Variants in DENND3 observed in about 807,000 individuals in gnomAD.
DENND3 encodes the protein DENN domain containing 3.
A neutral mutation model predicts 135.1 loss-of-function variants in DENND3; 88 were observed. The observed-to-expected ratio is 0.65, with a 90% CI of 0.55 to 0.78. The LOEUF (loss-of-function observed/expected upper bound fraction) is 0.78. DENND3 is among the 30% of genes least tolerant of loss of function. The pLI, the probability that DENND3 is intolerant of heterozygous loss-of-function variation, is 0.00. For missense variants in DENND3, 1,392 were observed against 1,688.4 expected (o/e 0.82, Z 3.08); for synonymous variants, 693 against 712.3 (o/e 0.97, Z 0.43).
In DENND3 at chr8:141,138,111, G is replaced by T. The variant is rs778046235; in HGVS notation, c.475G>T (p.Val159Leu). ...DVCGNRTYGVVAQYYRPLHDE... is the reference protein window; with the variant it reads ...DVCGNRTYGVLAQYYRPLHDE... ...CTGCGGGAATAGGACCTATGGCGTG[G>T]TGGCCCAGTACTACCGGCCCCTGCA... The change falls in exon 3 of 23, where the codon GTG (valine) becomes TTG (leucine). Residue 159 changes from valine (V) to leucine (L), a missense_variant. By Grantham distance (32) the Val-to-Leu change is conservative (BLOSUM62 1). Transcript: ENST00000519811. This position sits in a 1 kb window ranked among gnomAD's most constrained non-coding sequence, Gnocchi z 4.8. 7 of 1,608,668 alleles carry T rather than the reference G, an allele frequency of 4.4e-6. No individual in the cohort carries two copies. Among genetic ancestry groups the T allele is most frequent in the Non-Finnish European group, 5.9e-6 (7 of 1,177,228 alleles).
In DENND3 at chr8:141,157,137, A is replaced by T. The variant is rs1413540172; in HGVS notation, c.1196+1167A>T. Among the ~76,000 whole-genome samples the T allele has an allele frequency of 2.6e-5, 4 of 152,064 alleles. No individual in the cohort carries two copies. In the East Asian group the frequency reaches 7.7e-4, roughly 29 times the overall value. On this transcript the variant is annotated intron_variant, in intron 8 of 22. Transcript: ENST00000519811. ...GTTTATGTTTTCTTTCATCTCTGTT[A>T]CTCAACCTCATTGGCTTAGATCAGG...
Position 141,180,812 on chromosome 8 carries a change from G to C in DENND3, c.2902G>C (p.Glu968Gln). 6.2e-7 allele frequency: 1 copy of C among 1,613,434 alleles called. No homozygotes were observed. Among genetic ancestry groups the C allele is most frequent in the South Asian group, 1.1e-5 (1 of 90,902 alleles). Reference protein sequence around the residue: ...LKHKINPSAGEAFPQAVDVLL... With the variant: ...LKHKINPSAGQAFPQAVDVLL... ...GCATAAAATCAACCCCTCGGCGGGG[G>C]AGGCGTTCCCACAAGCGGTGGACGT... is the stretch of plus-strand genomic sequence containing the variant. Residue 968 changes from glutamate (E) to glutamine (Q), a missense_variant, in exon 17 of 23, where the codon GAG (glutamate) becomes CAG (glutamine). Physicochemically the swap from Glu to Gln is conservative, Grantham distance 29. Coordinates refer to ENST00000519811, the MANE Select transcript of DENND3 (RefSeq NM_001352890.3).
At chr8:141,156,006 G>A (rs1416659069) in intron 8 of DENND3, 36 bp downstream of exon 8, 12 of 1,562,834 alleles carry the variant, frequency 7.7e-6, no homozygotes, top group African/African-American at 2.7e-5. Flanking sequence ...ATTTCAGACC[G>A]TCTTTGTTCA....
rs1375993880 is a variant in DENND3 at position 141,166,148 on chromosome 8, T to C, written c.1554-42T>C. 1.9e-6 allele frequency: 3 copies of C among 1,584,028 alleles called. No individual in the cohort carries two copies. In the South Asian group the frequency reaches 3.3e-5, roughly 18 times the overall value. ...TAGTTTAGGCTTATTCTTCAATCAT[T>C]ATTGTGTCTATAAACTAACGCGTTG... is the stretch of plus-strand genomic sequence containing the variant. On this transcript the variant is annotated intron_variant, in intron 11 of 22. Transcript: ENST00000519811. This position sits in a 1 kb window ranked among gnomAD's most constrained non-coding sequence, Gnocchi z 4.3.
Position 141,175,517 on chromosome 8 carries a change from C to T in DENND3, c.2535+58C>T. 1 of 1,611,716 alleles carries T rather than the reference C, an allele frequency of 6.2e-7. No individual in the cohort carries two copies. The highest frequency in any genetic ancestry group is 8.5e-7 in the Non-Finnish European group (1 of 1,179,638). On this transcript the variant is annotated intron_variant, in intron 14 of 22. Transcript: ENST00000519811. The surrounding 1 kb of genome is among the most constrained non-coding windows in gnomAD (Gnocchi z 5.4). ...CCACCTGTGTTTAGGAGACAGATGG[C>T]TGGAGTGGGCCCTGAGCAGTCTGCC...
In DENND3 at chr8:141,189,378, G is replaced by A. The variant is rs1205425074; in HGVS notation, c.3245+232G>A. Among the ~76,000 whole-genome samples, 8 of 152,368 alleles carry A rather than the reference G, an allele frequency of 5.3e-5. No homozygotes were observed. In the South Asian group the frequency reaches 6.2e-4, roughly 12 times the overall value. ...GCGTGGTGATGAAGGCACCACACCC[G>A]GCCTTCCTGCTGAGCTTGCTGTGGG... On this transcript the variant is annotated intron_variant, in intron 19 of 22. Transcript: ENST00000519811.
At position 141,187,906 on chromosome 8, in the gene DENND3, G is replaced by A. The variant is rs545661563; in HGVS notation, c.3085-1080G>A. On this transcript the variant is annotated intron_variant, in intron 18 of 22. Transcript: ENST00000519811. The stretch of plus-strand genomic sequence containing the variant: ...CGTTCTTAGTTATAAGCATTTCAAG[G>A]CTGGGCGCAGTGGCTCACGCCTGTA... 1.1e-4 allele frequency among the ~76,000 whole-genome samples: 16 copies of A among 152,198 alleles called. No homozygotes were observed. In the South Asian group the frequency reaches 2.1e-3, roughly 20 times the overall value.
rs1335583274 is a variant in DENND3 at position 141,180,729 on chromosome 8, A to G, written c.2837-18A>G. 6.2e-7 allele frequency: 1 copy of G among 1,609,502 alleles called. No individual in the cohort carries two copies. Among genetic ancestry groups the G allele is most frequent in the African/African-American group, 1.3e-5 (1 of 74,852 alleles). ...CTTGAGGCTGCAACAGTAACACTCC[A>G]AGTGTCTTGTCTTTCAGTGCCCATG... On this transcript the variant is annotated intron_variant, in intron 16 of 22. Coordinates refer to ENST00000519811, the MANE Select transcript of DENND3 (RefSeq NM_001352890.3).
rs2304283 is a variant in DENND3, at chr8:141,151,789, G to A, written c.1026G>A (p.Thr342=). The change falls in exon 7 of 23, where the codon ACG becomes ACA. Residue 342 remains threonine (T), a synonymous_variant. Coordinates refer to ENST00000519811, the MANE Select transcript of DENND3 (RefSeq NM_001352890.3). ...TGCTGGATTTCGTCATGGCCCCCAC[G>A]TCCTTCCTGATGGGCTGCCATCTCG... The part of the protein sequence containing the change: ...DQMLDFVMAP[T]SFLMGCHLDH... The A allele has an allele frequency of 0.12, 198,212 of 1,613,822 alleles. 16,148 individuals are homozygous for A. The highest frequency in any genetic ancestry group is 0.45 in the East Asian group (20,098 of 44,868).
chr8:141,152,541 T>G (rs1449235736), intron 7 of DENND3, among the ~76,000 whole-genome samples: 1 of 152,174 alleles, frequency 6.6e-6, no homozygotes, highest in Non-Finnish European at 1.5e-5. Context: ...CTCCTCCACG[T>G]GGTAGCATCT....
At position 141,138,420 on chromosome 8, in the gene DENND3, C is replaced by G. The variant is rs1016113546; in HGVS notation, c.501+283C>G. ...TTTTTTATTGAGATGGAGTCTTGCT[C>G]TGTCATCCAGGCTGGAGTGCAGTGG... On this transcript the variant is annotated intron_variant, in intron 3 of 22. Transcript: ENST00000519811. The surrounding 1 kb of genome is among the most constrained non-coding windows in gnomAD (Gnocchi z 4.8). 6.6e-6 allele frequency among the ~76,000 whole-genome samples: 1 copy of G among 151,758 alleles called. No individual in the cohort carries two copies. Among genetic ancestry groups the G allele is most frequent in the Non-Finnish European group, 1.5e-5 (1 of 67,980 alleles).
intron 10 of DENND3, among the ~76,000 whole-genome samples, 161 bp downstream of exon 10, chr8:141,163,590 A>T (rs2369612): frequency 0.24 from 35,812 of 150,960 alleles, 4,793 homozygotes; most frequent in Non-Finnish European, 0.3. Context: ...CCTCTTTTTT[A>T]AAAAAATCAG....
At chr8:141,153,710 T>C (rs1008837760) in intron 7 of DENND3, among the ~76,000 whole-genome samples, 7 of 152,230 alleles carry the variant, frequency 4.6e-5, no homozygotes, top group East Asian at 3.8e-4. Flanking sequence ...CGGAAAAGCG[T>C]CATCCATCCC....
At chr8:141,162,826 A>G (rs1820298973) in intron 9 of DENND3, among the ~76,000 whole-genome samples, 2 of 152,240 alleles carry the variant, frequency 1.3e-5, no homozygotes, top group African/African-American at 4.8e-5. Context: ...AGGCAGAAGA[A>G]TCACTTGAAC....
chr8:141,193,901 GC>G, intron 22 of DENND3, 131 bp from the exon 23 acceptor site: 1 of 1,031,600 alleles, frequency 9.7e-7, no homozygotes, highest in Non-Finnish European at 1.4e-6. Context: ...TGACCCTCAG[GC>G]GGCAGAGGCC....
At chr8:141,132,319 C>T (rs770351802) in intron 1 of DENND3, among the ~76,000 whole-genome samples, 6 of 152,150 alleles carry the variant, frequency 3.9e-5, no homozygotes, top group Non-Finnish European at 7.4e-5. Flanking sequence ...TATGGGAGGG[C>T]CGTCCCTTTC....
In DENND3 at chr8:141,167,011, C is replaced by T. The variant is rs1282734175; in HGVS notation, c.1753+622C>T. On this transcript the variant is annotated intron_variant, in intron 12 of 22. Coordinates refer to ENST00000519811, the MANE Select transcript of DENND3 (RefSeq NM_001352890.3). The surrounding 1 kb of genome is among the most constrained non-coding windows in gnomAD (Gnocchi z 4.1). ...GGGCACCTGCTGCTGCTGTCTCGGG[C>T]CCAGGCAGCAAGTACCATGTGGCTC... is the stretch of plus-strand genomic sequence containing the variant. Among the ~76,000 whole-genome samples the T allele has an allele frequency of 1.3e-5, 2 of 152,186 alleles. No individual in the cohort carries two copies.
chr8:141,184,127 G>A (rs1240799693), intron 17 of DENND3, among the ~76,000 whole-genome samples: 1 of 152,250 alleles, frequency 6.6e-6, no homozygotes, highest in Non-Finnish European at 1.5e-5. Context: ...CCTGCCACAG[G>A]AAATGGACAG....
chr8:141,129,993 C>T (rs1321652760), intron 1 of DENND3: 2 of 152,268 alleles, frequency 1.3e-5, no homozygotes, highest in Admixed American at 6.5e-5. Context: ...TCTGTCTCCT[C>T]GCAACGTCAT....
Sources: allele counts gnomAD v4.1 joint callset (sites outside exome capture counted in the v4.1 genomes callset), GRCh38; gene constraint gnomAD v4.1.1; non-coding constraint Gnocchi (gnomAD v3.1); transcripts MANE v1.5; gene names NCBI Gene and HGNC (gene_info 2026-07-23, HGNC 2026-07-21).